Variants in OR1J2 observed in about 807,000 individuals in gnomAD.
OR1J2 encodes the protein olfactory receptor family 1 subfamily J member 2.
For missense variants in OR1J2, 304 were observed against 246.1 expected, an observed-to-expected ratio of 1.24 and a Z score of -1.57; for synonymous variants, 142 against 99.7, an observed-to-expected ratio of 1.42 and a Z score of -2.52.
downstream of OR1J2, among the ~76,000 whole-genome samples, chr9:122,515,839 A>T (rs2119387259): frequency 6.6e-6 from 1 of 152,202 alleles, no homozygotes; most frequent in Non-Finnish European, 1.5e-5. Context: ...TGTAATCTGT[A>T]GTGTATTCTT....
Position 122,511,390 on chromosome 9 carries a change from C to G in OR1J2, c.589C>G (p.Leu197Val), listed in dbSNP as rs1281525752. The G allele has an allele frequency of 1.3e-6, 1 of 751,664 alleles. No individual in the cohort carries two copies. Among genetic ancestry groups the G allele is most frequent in the Admixed American group, 1.8e-5 (1 of 56,470 alleles). The allele number at this position is 751,664 out of a possible 1,614,324, so 46.6% of individuals were successfully genotyped here. A position where few individuals can be genotyped will look rare whatever the true frequency, so the allele number is the denominator to read the frequency against. Residue 197 changes from leucine (L) to valine (V), a missense_variant, in exon 1 of 1, where the codon CTG becomes GTG. Coordinates refer to ENST00000335302, the MANE Select transcript of OR1J2 (RefSeq NM_054107.1). ...CTGCTCAGATATCTTCCTCAATGAG[C>G]TGGTCATGTTCACAGTAGGGGTGGT... ...LSCSDIFLNELVMFTVGVVVI... is the reference protein window; with the variant it reads ...LSCSDIFLNEVVMFTVGVVVI...
rs775485474 is a variant in OR1J2, at chr9:122,511,206, C to T, written c.405C>T (p.Ile135=). ...AICHPLHYTV[I]MREELCVFLV... ...GTCACCCTCTCCACTACACTGTCATCATGAGGGAAGAGCTCTGTGTCTTCT... is the reference window on the plus strand; with the variant it reads ...GTCACCCTCTCCACTACACTGTCATTATGAGGGAAGAGCTCTGTGTCTTCT... Residue 135 remains isoleucine (I), a synonymous_variant, in exon 1 of 1, where the codon ATC becomes ATT. Coordinates refer to ENST00000335302, the MANE Select transcript of OR1J2 (RefSeq NM_054107.1). 4 of 738,704 alleles carry T rather than the reference C, an allele frequency of 5.4e-6. No individual in the cohort carries two copies. The South Asian group carries it at 6.1e-5, about 11-fold the overall frequency. The allele number at this position is 738,704 out of a possible 1,614,324, so 45.8% of individuals were successfully genotyped here.
At chr9:122,506,194 A>G (rs1828521557), upstream of OR1J2, among the ~76,000 whole-genome samples, 1 of 152,146 alleles carries the variant, frequency 6.6e-6, no homozygotes, top group Non-Finnish European at 1.5e-5. Context: ...GGATTTATCC[A>G]AAGTGTGATT....
At chr9:122,512,587 G>A (rs1475278408), downstream of OR1J2, among the ~76,000 whole-genome samples, 1 of 152,164 alleles carries the variant, frequency 6.6e-6, no homozygotes, top group Non-Finnish European at 1.5e-5. Context: ...AGAAATCAGT[G>A]ATTCATGTTG....
chr9:122,450,061 G>C, the OR1J2 span, among the ~76,000 whole-genome samples: 1 of 152,178 alleles, frequency 6.6e-6, no homozygotes, highest in Non-Finnish European at 1.5e-5. Context: ...GTGATGTTTT[G>C]ATCTATGTAT....
the OR1J2 span, among the ~76,000 whole-genome samples, chr9:122,548,950 T>C: frequency 6.6e-6 from 1 of 152,130 alleles, no homozygotes; most frequent in Admixed American, 6.6e-5. Context: ...TTTCTTTTGC[T>C]GTGCAGAAGC....
chr9:122,477,233 TG>T, the OR1J2 span: 21 of 1,613,792 alleles, frequency 1.3e-5, no homozygotes, highest in East Asian at 4.7e-4. Flanking sequence ...CATATGCCCT[TG>T]GTAGAGGGAA....
the OR1J2 span, among the ~76,000 whole-genome samples, chr9:122,498,554 G>T: frequency 6.6e-6 from 1 of 152,062 alleles, no homozygotes; most frequent in African/African-American, 2.4e-5. Flanking sequence ...GATTTTTTGT[G>T]TTGATTTTCA....
chr9:122,518,528 C>T, the OR1J2 span, among the ~76,000 whole-genome samples: 2 of 152,230 alleles, frequency 1.3e-5, no homozygotes, highest in Non-Finnish European at 2.9e-5. Context: ...TCATGGGGTT[C>T]TACCCTCATG....
the OR1J2 span, among the ~76,000 whole-genome samples, chr9:122,461,845 T>G: frequency 8.5e-5 from 13 of 152,336 alleles, no homozygotes; most frequent in South Asian, 2.5e-3. Flanking sequence ...TCATATGGTC[T>G]TTCTTGGAGA....
chr9:122,508,121 A>AGG (rs1229419552), upstream of OR1J2, among the ~76,000 whole-genome samples: 7 of 140,594 alleles, frequency 5.0e-5, no homozygotes, highest in Admixed American at 5.1e-4. Context: ...AGGGAGAGTG[A>AGG]GGGGGGGAGA....
chr9:122,520,694 T>C, the OR1J2 span, among the ~76,000 whole-genome samples: 1 of 152,192 alleles, frequency 6.6e-6, no homozygotes. Flanking sequence ...GCAGACTTAC[T>C]CCAGGTAATG....
the OR1J2 span, among the ~76,000 whole-genome samples, chr9:122,548,535 T>C: frequency 0.037 from 5,625 of 152,096 alleles, 341 homozygotes; most frequent in African/African-American, 0.13. Flanking sequence ...GATGGTTATA[T>C]GTTTTCTTTT....
At chr9:122,513,355 G>C (rs1309954487), downstream of OR1J2, among the ~76,000 whole-genome samples, 1 of 152,170 alleles carries the variant, frequency 6.6e-6, no homozygotes, top group Non-Finnish European at 1.5e-5. Flanking sequence ...GAAGGAGTTT[G>C]ATATTTGATC....
At chr9:122,567,565 T>C in the OR1J2 span, 2 of 1,585,144 alleles carry the variant, frequency 1.3e-6, no homozygotes. Context: ...CTCTTGCTCA[T>C]AAGCTTCCTC....
At chr9:122,571,275 G>A in the OR1J2 span, among the ~76,000 whole-genome samples, 2 of 152,128 alleles carry the variant, frequency 1.3e-5, no homozygotes, top group Non-Finnish European at 2.9e-5. Context: ...ATGCATGCCG[G>A]GCGCGGTGGC....
At chr9:122,537,817 G>C in the OR1J2 span, among the ~76,000 whole-genome samples, 3 of 152,266 alleles carry the variant, frequency 2.0e-5, no homozygotes, top group African/African-American at 7.2e-5. Flanking sequence ...AAGGTTAATA[G>C]GCAAAAGGAA....
At chr9:122,508,948 G>A (rs1240170855), upstream of OR1J2, among the ~76,000 whole-genome samples, 1 of 152,172 alleles carries the variant, frequency 6.6e-6, no homozygotes, top group Non-Finnish European at 1.5e-5. Flanking sequence ...CTAGCTTGTA[G>A]AGCCCACTTG....
chr9:122,508,945 G>C (rs1828579883), upstream of OR1J2, among the ~76,000 whole-genome samples: 2 of 152,156 alleles, frequency 1.3e-5, no homozygotes, highest in African/African-American at 4.8e-5. Context: ...TTTCTAGCTT[G>C]TAGAGCCCAC....
Sources: gnomAD v4.1 joint callset for allele counts (sites outside exome capture counted in the v4.1 genomes callset) on GRCh38, gnomAD v4.1.1 for gene constraint, MANE v1.5 for transcripts, NCBI Gene and HGNC (gene_info 2026-07-23, HGNC 2026-07-21) for gene names.